The following CIPC variants were observed in gnomAD, a reference collection of about 807,000 sequenced individuals.
The protein encoded by CIPC is CLOCK-interacting pacemaker.
A neutral mutation model predicts 26.7 loss-of-function variants in CIPC; 12 were observed. That is an observed-to-expected ratio of 0.45 (90% confidence interval 0.29 to 0.73). CIPC has a LOEUF of 0.73. Ranked by LOEUF, CIPC falls within the 30% of genes least tolerant of loss-of-function variation. CIPC has a pLI of 0.12. For missense variants in CIPC, 417 were observed against 486.5 expected, an observed-to-expected ratio of 0.86 and a Z score of 1.34; for synonymous variants, 170 against 189.8, an observed-to-expected ratio of 0.90 and a Z score of 0.86.
chr14:77,111,272 A>G (rs1886694707), intron 3 of CIPC, among the ~76,000 whole-genome samples: 2 of 152,114 alleles, frequency 1.3e-5, no homozygotes, highest in Non-Finnish European at 2.9e-5. Flanking sequence ...ACAGTTACGG[A>G]GTGAGTAGGC....
At chr14:77,109,340 A>G (rs142288250) in intron 2 of CIPC, among the ~76,000 whole-genome samples, 22 of 152,224 alleles carry the variant, frequency 1.4e-4, no homozygotes, top group Admixed American at 7.2e-4. Context: ...AGAAAATGCA[A>G]TTGTTTTGAG....
chr14:77,105,046 T>G (rs1886565505), intron 1 of CIPC, among the ~76,000 whole-genome samples: 1 of 152,240 alleles, frequency 6.6e-6, no homozygotes, highest in Admixed American at 6.5e-5. Flanking sequence ...TTATTATATA[T>G]GATTTTATTT....
intron 3 of CIPC, 113 bp downstream of exon 3, chr14:77,110,094 T>A (rs759550909): frequency 1.6e-5 from 16 of 1,011,594 alleles, no homozygotes; most frequent in Non-Finnish European, 2.3e-5. Context: ...AAACAGACCA[T>A]TAGAACCACA....
chr14:77,112,905 G>A (rs935058896), intron 3 of CIPC, among the ~76,000 whole-genome samples: 3 of 152,060 alleles, frequency 2.0e-5, no homozygotes, highest in Non-Finnish European at 4.4e-5. Flanking sequence ...TAGAGACGGG[G>A]TTTCACACGT....
At chr14:77,112,575 C>G (rs1175366739) in intron 3 of CIPC, among the ~76,000 whole-genome samples, 1 of 152,080 alleles carries the variant, frequency 6.6e-6, no homozygotes, top group Non-Finnish European at 1.5e-5. Flanking sequence ...TAGTGGTAAC[C>G]TATAATCAGC....
intron 1 of CIPC, among the ~76,000 whole-genome samples, chr14:77,104,756 T>A (rs1292600227): frequency 6.6e-6 from 1 of 152,208 alleles, no homozygotes; most frequent in Non-Finnish European, 1.5e-5. Context: ...ATAGCTCTTA[T>A]CAAAATGGTC....
At chr14:77,101,726 C>T (rs954340737) in intron 1 of CIPC, among the ~76,000 whole-genome samples, 15 of 152,158 alleles carry the variant, frequency 9.9e-5, no homozygotes, top group African/African-American at 1.4e-4. Flanking sequence ...TCAGGGAAAA[C>T]TGTCTATTTT....
chr14:77,107,573 A>G (rs1288597551), intron 2 of CIPC, among the ~76,000 whole-genome samples: 1 of 152,108 alleles, frequency 6.6e-6, no homozygotes, highest in African/African-American at 2.4e-5. Flanking sequence ...AAGCAAATGA[A>G]TACCCCATAT....
Position 77,109,895 on chromosome 14 carries a change from A to G in CIPC, c.220A>G (p.Arg74Gly), listed in dbSNP as rs750404535. 1.2e-6 allele frequency: 2 copies of G among 1,614,224 alleles called. No individual in the cohort carries two copies. Among genetic ancestry groups the G allele is most frequent in the Non-Finnish European group, 1.7e-6 (2 of 1,180,030 alleles). ...LSALGWSRED[R>G]PRQNSKTAKN... ...CGCCTTAGGCTGGAGCAGAGAAGAC[A>G]GGCCGAGGCAGAACTCCAAAACTGC... The change falls in exon 3 of 4, where the codon AGG becomes GGG. Residue 74 changes from arginine to glycine, a missense_variant. Arg to Gly is a moderately radical substitution (Grantham distance 125). Transcript: ENST00000361786.
In CIPC at chr14:77,114,273, T is replaced by C. The variant is rs1345567815; in HGVS notation, c.1155T>C (p.Asn385=). ...CATCTTTAACACCTGGGTCCAGTAATACAGGCAGTGACCTAGAAGCATTCT... is the reference window on the plus strand; with the variant it reads ...CATCTTTAACACCTGGGTCCAGTAACACAGGCAGTGACCTAGAAGCATTCT... The part of the protein sequence containing the change: ...LQASLTPGSS[N]TGSDLEAFSD... The change falls in exon 4 of 4, where the codon AAT becomes AAC. Residue 385 remains asparagine (N), a synonymous_variant. Coordinates refer to ENST00000361786, the MANE Select transcript of CIPC (RefSeq NM_033426.3). 6.2e-7 allele frequency: 1 copy of C among 1,613,744 alleles called. No homozygotes were observed. The highest frequency in any genetic ancestry group is 8.5e-7 in the Non-Finnish European group (1 of 1,179,936).
chr14:77,101,164 A>G (rs1886476563), intron 1 of CIPC, among the ~76,000 whole-genome samples: 1 of 152,190 alleles, frequency 6.6e-6, no homozygotes, highest in Non-Finnish European at 1.5e-5. Flanking sequence ...ACTAATATCT[A>G]AGAGGAAAAA....
At chr14:77,110,074 G>A (rs1886664667) in intron 3 of CIPC, 93 bp downstream of exon 3, 2 of 1,311,812 alleles carry the variant, frequency 1.5e-6, no homozygotes, top group African/African-American at 1.5e-5. Context: ...CTGCCAAGGA[G>A]AGATTTTAGA....
rs774605315 is a variant in CIPC at position 77,113,748 on chromosome 14, C to T, written c.630C>T (p.Ser210=). 5.0e-6 allele frequency: 8 copies of T among 1,612,716 alleles called. No homozygotes were observed. Among genetic ancestry groups the T allele is most frequent in the Non-Finnish European group, 6.8e-6 (8 of 1,179,152 alleles). The part of the protein sequence containing the change: ...SEPTKAGAVP[S]SPSTPAPPSA... ...CAACCAAGGCTGGTGCTGTCCCATC[C>T]AGTCCCTCGACGCCAGCACCACCCA... is the stretch of plus-strand genomic sequence containing the variant. The change falls in exon 4 of 4, where the codon TCC becomes TCT. Residue 210 remains serine (S), a synonymous_variant. Transcript: ENST00000361786.
intron 2 of CIPC, among the ~76,000 whole-genome samples, chr14:77,108,922 G>A (rs998883826): frequency 4.0e-5 from 6 of 151,844 alleles, no homozygotes; most frequent in South Asian, 2.1e-4. Context: ...CTTGTGTCTC[G>A]TTGACATGTC....
At chr14:77,107,414 C>A (rs17811635) in intron 2 of CIPC, among the ~76,000 whole-genome samples, 27,387 of 152,054 alleles carry the variant, frequency 0.18, 2,539 homozygotes, top group East Asian at 0.24. Flanking sequence ...TGGAATGCTT[C>A]GAGCCACTCT....
At chr14:77,108,958 G>T (rs1028536350) in intron 2 of CIPC, among the ~76,000 whole-genome samples, 2 of 151,964 alleles carry the variant, frequency 1.3e-5, no homozygotes, top group African/African-American at 4.8e-5. Flanking sequence ...GCACTTCTTT[G>T]CTTTCTGGGA....
At position 77,105,858 on chromosome 14, in the gene CIPC, T is replaced by A. The variant is rs766333104; in HGVS notation, c.136+14T>A. 3 of 1,612,766 alleles carry A rather than the reference T, an allele frequency of 1.9e-6. No individual in the cohort carries two copies. Among genetic ancestry groups the A allele is most frequent in the Admixed American group, 1.7e-5 (1 of 59,678 alleles). ...CTGGCTTTTCAGGTTAAAAATATCT[T>A]ATCCTTCCTCTGTTTTGTGAGTGAA... is the stretch of plus-strand genomic sequence containing the variant. On this transcript the variant is annotated intron_variant, in intron 2 of 3. Transcript: ENST00000361786.
chr14:77,102,089 TA>T (rs1439395097), intron 1 of CIPC, among the ~76,000 whole-genome samples: 19 of 122,370 alleles, frequency 1.6e-4, no homozygotes, highest in African/African-American at 4.8e-4. Context: ...CATCTATAAA[TA>T]AAAAACAAAA....
At chr14:77,104,553 A>AC (rs1886553733) in intron 1 of CIPC, among the ~76,000 whole-genome samples, 1 of 152,182 alleles carries the variant, frequency 6.6e-6, no homozygotes, top group Non-Finnish European at 1.5e-5. Context: ...AGTGCATGGC[A>AC]TTGTACCCTT....
Sources: allele counts gnomAD v4.1 joint callset (sites outside exome capture counted in the v4.1 genomes callset), GRCh38; gene constraint gnomAD v4.1.1; transcripts MANE v1.5; gene names NCBI Gene and HGNC (gene_info 2026-07-23, HGNC 2026-07-21).